Variants in CBX7 observed in about 807,000 individuals in gnomAD.
The protein encoded by CBX7 is chromobox 7, also known as chromobox protein homolog 7.
Under a neutral mutation model 31.4 loss-of-function variants are expected in CBX7, and 14 were observed. That is an observed-to-expected ratio of 0.45 (90% CI 0.29 to 0.70). CBX7 has a LOEUF of 0.70. Ranked by LOEUF, CBX7 falls within the 30% of genes least tolerant of loss-of-function variation. The probability of loss-of-function intolerance (pLI) is 0.11; values close to 1 mark genes in which losing one functional copy is unlikely to be tolerated. For missense variants in CBX7, 269 were observed against 351.9 expected, an observed-to-expected ratio of 0.76 and a Z score of 1.89; for synonymous variants, 159 against 152.6, an observed-to-expected ratio of 1.04 and a Z score of -0.31.
chr22:39,140,509 G>T (rs1019553446), intron 3 of CBX7, among the ~76,000 whole-genome samples: 1 of 152,164 alleles, frequency 6.6e-6, no homozygotes, highest in African/African-American at 2.4e-5. Flanking sequence ...ACCCAGCAGC[G>T]AGGGGCAGTG....
chr22:39,143,495 A>G (rs1342457199), intron 2 of CBX7, among the ~76,000 whole-genome samples: 1 of 152,206 alleles, frequency 6.6e-6, no homozygotes, highest in East Asian at 1.9e-4. Flanking sequence ...ATTACTGAAG[A>G]AAAATATTTC....
At chr22:39,140,767 A>C (rs573498707) in intron 3 of CBX7, among the ~76,000 whole-genome samples, 7 of 152,204 alleles carry the variant, frequency 4.6e-5, no homozygotes, top group Non-Finnish European at 1.0e-4. Context: ...CAGAACTGTT[A>C]GGGTGTGCCC....
chr22:39,140,120 A>G (rs1882870736), intron 3 of CBX7, among the ~76,000 whole-genome samples: 1 of 152,168 alleles, frequency 6.6e-6, no homozygotes, highest in African/African-American at 2.4e-5. Context: ...TGGACAACAG[A>G]AAGAATGTGG....
At position 39,134,670 on chromosome 22, in the gene CBX7, C is replaced by T. The variant is rs768288001; in HGVS notation, c.329G>A (p.Gly110Asp). The part of the protein sequence containing the change: ...KLCFSLTCPL[G>D]SGSPEGVVKA... ...GACCACCCCCTCAGGGCTCCCGCTG[C>T]CGAGTGGGCACGTCAGGGAGAAGCA... Residue 110 changes from glycine (G) to aspartate (D), a missense_variant, in exon 5 of 6, where the codon GGC (glycine) becomes GAC (aspartate). This residue lies in a region of CBX7 where 222 missense variants were observed against 240.4 expected (regional missense o/e 0.92). Transcript: ENST00000216133. 31 of 1,586,626 alleles carry T rather than the reference C, an allele frequency of 2.0e-5. No individual in the cohort carries two copies. The South Asian group carries it at 3.2e-4, about 16-fold the overall frequency.
intron 2 of CBX7, among the ~76,000 whole-genome samples, chr22:39,145,180 C>T (rs1930600528): frequency 6.6e-6 from 1 of 152,216 alleles, no homozygotes; most frequent in South Asian, 2.1e-4. Context: ...TCTGAGATAA[C>T]AGGGTCGCAC....
chr22:39,141,248 GCTGGCCTGCCCCATCGGACACCC>G (rs1340384648), intron 3 of CBX7, 100 bp downstream of exon 3: 4 of 729,734 alleles, frequency 5.5e-6, no homozygotes, highest in African/African-American at 3.6e-5. Flanking sequence ...TGCAGGCTGG[GCTGGCCTGCCCCATCGGACACCC>G]CTGCCCTGCC....
chr22:39,133,993 A>C lies in CBX7; in HGVS notation c.654T>G (p.Ser218Arg). The stretch of plus-strand genomic sequence containing the variant: ...CGGTGATGTCGGTCACGGTCACCTC[A>C]CTTGAGGGGAGCGCAGGTGTCCAGG... ...PPPWTPALPS[S>R]EVTVTDITAN... Residue 218 changes from serine to arginine, a missense_variant, in exon 6 of 6, where the codon AGT (serine) becomes AGG (arginine). Physicochemically the swap from Ser to Arg is moderately radical, Grantham distance 110 (BLOSUM62 -1). Transcript: ENST00000216133. 4 of 1,613,444 alleles carry C rather than the reference A, an allele frequency of 2.5e-6. No individual in the cohort carries two copies. The highest frequency in any genetic ancestry group is 3.4e-6 in the Non-Finnish European group (4 of 1,179,610).
chr22:39,152,111 C>T lies in CBX7; in HGVS notation c.69+265G>A, dbSNP rs578011349. ...ATAAAAGGGGAGCGAGGTGGGATGG[C>T]GCTGAGGATCCCTACGTCCGATCCT... is the stretch of plus-strand genomic sequence containing the variant. On this transcript the variant is annotated intron_variant, in intron 1 of 5. Coordinates refer to ENST00000216133, the MANE Select transcript of CBX7 (RefSeq NM_175709.5). This position sits in a 1 kb window ranked among gnomAD's most constrained non-coding sequence, Gnocchi z 4.9. 6.6e-6 allele frequency among the ~76,000 whole-genome samples: 1 copy of T among 152,132 alleles called. No individual in the cohort carries two copies. Among genetic ancestry groups the T allele is most frequent in the African/African-American group, 2.4e-5 (1 of 41,428 alleles).
chr22:39,146,738 C>T (rs559682632), intron 2 of CBX7, among the ~76,000 whole-genome samples: 1 of 152,368 alleles, frequency 6.6e-6, no homozygotes, highest in Admixed American at 6.5e-5. Flanking sequence ...GGCTTATTGA[C>T]AGCCTGGCCA....
chr22:39,151,122 G>A (rs1429378772), intron 1 of CBX7, among the ~76,000 whole-genome samples: 1 of 152,222 alleles, frequency 6.6e-6, no homozygotes, highest in Non-Finnish European at 1.5e-5. Flanking sequence ...GTGCTACCCT[G>A]CGGGCTCCAT....
rs1930901261 is a variant in CBX7 at position 39,152,527 on chromosome 22, G to T, written c.-83C>A. On this transcript the variant is annotated 5_prime_UTR_variant, in exon 1 of 6. Transcript: ENST00000216133. The surrounding 1 kb of genome is among the most constrained non-coding windows in gnomAD (Gnocchi z 4.9). ...GCCGCGGCTGCGGCGCGCGATGCTGGGGCTGGCGGGGTCCCCGTCACCCTC... is the reference window on the plus strand; with the variant it reads ...GCCGCGGCTGCGGCGCGCGATGCTGTGGCTGGCGGGGTCCCCGTCACCCTC... 3.6e-6 allele frequency: 2 copies of T among 560,122 alleles called. No individual in the cohort carries two copies. The highest frequency in any genetic ancestry group is 2.0e-5 in the African/African-American group (1 of 48,822). The allele number at this position is 560,122 out of a possible 1,614,324, so 34.7% of individuals were successfully genotyped here.
chr22:39,141,311 C>T, intron 3 of CBX7, 60 bp downstream of exon 3: 1 of 1,481,434 alleles, frequency 6.8e-7, no homozygotes, highest in South Asian at 1.2e-5. Flanking sequence ...CAGCAGCAGG[C>T]TCCTGGGAAG....
chr22:39,133,894 G>A lies in CBX7; in HGVS notation c.753C>T (p.Phe251=), dbSNP rs933377130. The A allele has an allele frequency of 2.5e-6, 4 of 1,607,208 alleles. No individual in the cohort carries two copies. Among genetic ancestry groups the A allele is most frequent in the Non-Finnish European group, 3.4e-6 (4 of 1,176,174 alleles). The part of the protein sequence containing the change: ...EGFFRDRSGK[F] The stretch of plus-strand genomic sequence containing the variant: ...TAAGAAGAGTAAAAACGGTGATTCA[G>A]AACTTCCCACTGCGGTCTCGGAAGA... The change falls in exon 6 of 6, where the codon TTC becomes TTT. Residue 251 remains phenylalanine, a synonymous_variant. Coordinates refer to ENST00000216133, the MANE Select transcript of CBX7 (RefSeq NM_175709.5).
intron 2 of CBX7, chr22:39,146,995 C>T (rs73884827): frequency 0.072 from 10,889 of 150,628 alleles, 409 homozygotes; most frequent in Middle Eastern, 0.15. Context: ...CCAGAAGAAG[C>T]AAGAGAGCCC....
At chr22:39,137,048 C>A (rs568514028) in intron 4 of CBX7, among the ~76,000 whole-genome samples, 1 of 152,282 alleles carries the variant, frequency 6.6e-6, no homozygotes, top group Non-Finnish European at 1.5e-5. Context: ...CCTGGTGGGT[C>A]TTATTACATT....
chr22:39,134,040 C>T lies in CBX7; in HGVS notation c.607G>A (p.Asp203Asn), dbSNP rs1303748384. ...AQPPEEEADA[D>N]LAEGPPPWTP... The stretch of plus-strand genomic sequence containing the variant: ...CAGGGAGGGGGCCCCTCGGCCAGGT[C>T]GGCATCTGCTGCAGCGTCAGACACA... The change falls in exon 6 of 6, where the codon GAC (aspartate) becomes AAC (asparagine). Residue 203 changes from aspartate (D) to asparagine (N), a missense_variant. Coordinates refer to ENST00000216133, the MANE Select transcript of CBX7 (RefSeq NM_175709.5). The T allele has an allele frequency of 8.1e-6, 13 of 1,599,852 alleles. No homozygotes were observed. The Middle Eastern group carries it at 5.9e-4, about 73-fold the overall frequency.
chr22:39,137,956 C>T (rs1315801855), intron 4 of CBX7, among the ~76,000 whole-genome samples: 3 of 152,044 alleles, frequency 2.0e-5, no homozygotes, highest in African/African-American at 4.8e-5. Context: ...CCAAGCCGGG[C>T]GGATCATGAG....
chr22:39,145,164 G>A (rs765105677), intron 2 of CBX7, among the ~76,000 whole-genome samples: 8 of 152,208 alleles, frequency 5.3e-5, no homozygotes, highest in Non-Finnish European at 1.0e-4. Flanking sequence ...GGCCCGGGCA[G>A]CTGGGTCTGA....
intron 4 of CBX7, among the ~76,000 whole-genome samples, chr22:39,137,407 G>A (rs1202035326): frequency 6.6e-6 from 1 of 152,050 alleles, no homozygotes; most frequent in Non-Finnish European, 1.5e-5. Flanking sequence ...GGAGTGCAAT[G>A]GTATGATCTT....
Sources: gnomAD v4.1 joint callset for allele counts (sites outside exome capture counted in the v4.1 genomes callset) on GRCh38, gnomAD v4.1.1 for gene constraint, gnomAD v4.1.1 regional missense constraint, Gnocchi (gnomAD v3.1) non-coding constraint, MANE v1.5 for transcripts, NCBI Gene and HGNC (gene_info 2026-07-23, HGNC 2026-07-21) for gene names.